Variants in SLC5A12 observed in about 807,000 individuals in gnomAD.
The protein encoded by SLC5A12 is solute carrier family 5 member 12.
Under a neutral mutation model 72.7 loss-of-function variants are expected in SLC5A12, and 46 were observed. The observed-to-expected ratio is 0.63, with a 90% CI of 0.50 to 0.81. The LOEUF is 0.81. Among genes scored for constraint, SLC5A12 ranks in the 30% least tolerant of loss-of-function variants. The pLI is 0.00. For missense variants in SLC5A12, 683 were observed against 740.7 expected (o/e 0.92, Z 0.90); for synonymous variants, 275 against 264.4 (o/e 1.04, Z -0.39).
rs542832589 is a variant in SLC5A12, at chr11:26,706,073, C to T, written c.526-2126G>A. 7.9e-5 allele frequency among the ~76,000 whole-genome samples: 12 copies of T among 152,032 alleles called. No individual in the cohort carries two copies. The South Asian group carries it at 8.3e-4, about 11-fold the overall frequency. On this transcript the variant is annotated intron_variant, in intron 4 of 14. Transcript: ENST00000396005. ...GTCTAATGTTTGCCCTACTAAACTA[C>T]GGAACCCTGGATGGCAACAAACACT... is the stretch of plus-strand genomic sequence containing the variant.
At chr11:26,712,379 T>C (rs558257632) in intron 2 of SLC5A12, among the ~76,000 whole-genome samples, 1 of 152,256 alleles carries the variant, frequency 6.6e-6, no homozygotes, top group East Asian at 1.9e-4. Flanking sequence ...GAGCAACTTA[T>C]GCAGGTTAAA....
At chr11:26,712,768 C>A in intron 1 of SLC5A12, 62 bp from the exon 2 acceptor site, 3 of 1,266,750 alleles carry the variant, frequency 2.4e-6, no homozygotes, top group Non-Finnish European at 3.4e-6. Context: ...CTAAGAAAGT[C>A]CTTTTTATCT....
intron 4 of SLC5A12, among the ~76,000 whole-genome samples, chr11:26,707,515 T>A (rs1302755995): frequency 6.6e-6 from 1 of 151,992 alleles, no homozygotes; most frequent in African/African-American, 2.4e-5. Context: ...TCTTCTTGTC[T>A]CTCTGTTATT....
intron 13 of SLC5A12, among the ~76,000 whole-genome samples, chr11:26,675,785 A>G (rs868700316): frequency 3.3e-5 from 5 of 152,154 alleles, no homozygotes; most frequent in African/African-American, 7.2e-5. Flanking sequence ...ACAAGCCCCA[A>G]AACTCTCAGC....
intron 1 of SLC5A12, among the ~76,000 whole-genome samples, chr11:26,715,544 G>A (rs1305670614): frequency 1.3e-5 from 2 of 152,044 alleles, no homozygotes; most frequent in Non-Finnish European, 2.9e-5. Context: ...TTTTTCTTCT[G>A]TTTCACGTTG....
At chr11:26,700,861 G>A (rs1167217121) in intron 6 of SLC5A12, among the ~76,000 whole-genome samples, 1 of 152,188 alleles carries the variant, frequency 6.6e-6, no homozygotes, top group Non-Finnish European at 1.5e-5. Context: ...GCATGTATAT[G>A]AGCCACTCCT....
At position 26,671,168 on chromosome 11, in the gene SLC5A12, A is replaced by G. The variant is rs896387471; in HGVS notation, c.1791T>C (p.His597=). The G allele has an allele frequency of 6.2e-7, 1 of 1,612,970 alleles. No homozygotes were observed. Among genetic ancestry groups the G allele is most frequent in the Non-Finnish European group, 8.5e-7 (1 of 1,179,340 alleles). ...TGTCCTTAGGATCATAGCCTGGAAC[A>G]TGTACCAGGCTTTCTCTTCTGAGTC... ...QNGLRRESLV[H]VPGYDPKDKS... The change falls in exon 15 of 15, where the codon CAT becomes CAC. Residue 597 remains histidine (H), a synonymous_variant. Coordinates refer to ENST00000396005, the MANE Select transcript of SLC5A12 (RefSeq NM_178498.4).
At chr11:26,683,725 G>A (rs779393848) in intron 11 of SLC5A12, 32 bp downstream of exon 11, 13 of 1,541,868 alleles carry the variant, frequency 8.4e-6, no homozygotes, top group Middle Eastern at 1.8e-4. Context: ...AGTTTTGACT[G>A]GGAATTGTGA....
chr11:26,692,509 G>A lies in SLC5A12; in HGVS notation c.1133C>T (p.Thr378Ile), dbSNP rs1364128970. 1 of 1,612,934 alleles carries A rather than the reference G, an allele frequency of 6.2e-7. No individual in the cohort carries two copies. The highest frequency in any genetic ancestry group is 1.7e-5 in the Admixed American group (1 of 60,014). ...CCTACATAAGCCTTTACTGATCCAG[G>A]TGCTCAGCTTGTCGGAGAGATGAGG... ...CFPHLSDKLSTWISKGLCLLF... is the reference protein window; with the variant it reads ...CFPHLSDKLSIWISKGLCLLF... The change falls in exon 9 of 15, where the codon ACC (threonine) becomes ATC (isoleucine). Residue 378 changes from threonine (T) to isoleucine (I), a missense_variant. Transcript: ENST00000396005.
At position 26,721,459 on chromosome 11, in the gene SLC5A12, T is replaced by C. The variant is rs1855477576; in HGVS notation, c.256A>G (p.Ile86Val). 2 of 1,614,026 alleles carry C rather than the reference T, an allele frequency of 1.2e-6. No homozygotes were observed. Among genetic ancestry groups the C allele is most frequent in the African/African-American group, 1.3e-5 (1 of 75,002 alleles). Residue 86 changes from isoleucine to valine, a missense_variant, in exon 1 of 15, where the codon ATT (isoleucine) becomes GTT (valine). Coordinates refer to ENST00000396005, the MANE Select transcript of SLC5A12 (RefSeq NM_178498.4). ...RFGASFLVFF[I>V]AYLFVILLTS... Reference sequence around the variant, plus strand: ...AAGAGGATGACAAATAGGTAAGCAATGAAGAAGACTAGGAAGGATGCCCCA... The same window carrying C: ...AAGAGGATGACAAATAGGTAAGCAACGAAGAAGACTAGGAAGGATGCCCCA...
chr11:26,704,801 G>A (rs535402149), intron 4 of SLC5A12, among the ~76,000 whole-genome samples: 1 of 152,180 alleles, frequency 6.6e-6, no homozygotes, highest in Non-Finnish European at 1.5e-5. Flanking sequence ...ATAGGATCTG[G>A]CTTGCACAAC....
chr11:26,697,398 A>G, intron 7 of SLC5A12, 146 bp from the exon 8 acceptor site: 1 of 663,300 alleles, frequency 1.5e-6, no homozygotes, highest in South Asian at 2.1e-5. Flanking sequence ...AGGAGGTAGG[A>G]AGTTTATTTT....
At chr11:26,720,743 C>A (rs1590746542) in intron 1 of SLC5A12, among the ~76,000 whole-genome samples, 1 of 152,156 alleles carries the variant, frequency 6.6e-6, no homozygotes, top group African/African-American at 2.4e-5. Context: ...GCCAAAACAC[C>A]ACTGCCTCAT....
chr11:26,677,900 A>G (rs1456012931), intron 13 of SLC5A12, among the ~76,000 whole-genome samples: 1 of 152,168 alleles, frequency 6.6e-6, no homozygotes, highest in East Asian at 1.9e-4. Context: ...TACATACTCC[A>G]AGGAGGTGGA....
intron 2 of SLC5A12, 142 bp downstream of exon 2, chr11:26,712,499 T>C: frequency 6.2e-6 from 3 of 487,406 alleles, no homozygotes; most frequent in Non-Finnish European, 1.1e-5. Flanking sequence ...TTTTAGTACA[T>C]ATTAAAAGTG....
In SLC5A12 at chr11:26,698,551, T is replaced by A. The variant is rs1377570746; in HGVS notation, c.822-16A>T. The A allele has an allele frequency of 6.2e-7, 1 of 1,613,392 alleles. No individual in the cohort carries two copies. Among genetic ancestry groups the A allele is most frequent in the African/African-American group, 1.3e-5 (1 of 74,886 alleles). ...ATACAAGGCACTAGAAAAGAGCACA[T>A]GGGCCTATTGGTAGCCTGTATACCA... On this transcript the variant is annotated splice_polypyrimidine_tract_variant and intron_variant, in intron 6 of 14. Coordinates refer to ENST00000396005, the MANE Select transcript of SLC5A12 (RefSeq NM_178498.4).
chr11:26,711,375 A>C lies in SLC5A12; in HGVS notation c.406-17T>G. The C allele has an allele frequency of 6.2e-7, 1 of 1,608,162 alleles. No individual in the cohort carries two copies. The highest frequency in any genetic ancestry group is 2.2e-5 in the East Asian group (1 of 44,742). On this transcript the variant is annotated splice_polypyrimidine_tract_variant and intron_variant, in intron 2 of 14. Coordinates refer to ENST00000396005, the MANE Select transcript of SLC5A12 (RefSeq NM_178498.4). ...GTAGAGAATCTGGTAGAGAAACAAG[A>C]ATCAGATTGGCAGTGAGAAAGGGAC...
In SLC5A12 at chr11:26,697,152, T is replaced by C. The variant is rs1359744446; in HGVS notation, c.1040+12A>G. The C allele has an allele frequency of 1.2e-6, 2 of 1,605,848 alleles. No homozygotes were observed. Among genetic ancestry groups the C allele is most frequent in the Non-Finnish European group, 1.7e-6 (2 of 1,174,906 alleles). Reference sequence around the variant, plus strand: ...TCCATCATCATCATCAGATTGTTGTTGCTATACTAACCTCAGAGTTCCACT... The same window carrying C: ...TCCATCATCATCATCAGATTGTTGTCGCTATACTAACCTCAGAGTTCCACT... On this transcript the variant is annotated intron_variant, in intron 8 of 14. Transcript: ENST00000396005.
chr11:26,704,010 A>C, intron 4 of SLC5A12, 63 bp from the exon 5 acceptor site: 1 of 1,575,376 alleles, frequency 6.3e-7, no homozygotes, highest in Non-Finnish European at 8.7e-7. Context: ...GGCTCTGCAA[A>C]GCCTCTCTGC....
Sources: gnomAD v4.1 joint callset for allele counts (sites outside exome capture counted in the v4.1 genomes callset) on GRCh38, gnomAD v4.1.1 for gene constraint, MANE v1.5 for transcripts, NCBI Gene and HGNC (gene_info 2026-07-23, HGNC 2026-07-21) for gene names.